The following AGBL1 variants were observed in gnomAD, a reference collection of about 807,000 sequenced individuals.
AGBL1 encodes the protein cytosolic carboxypeptidase 4.
A neutral mutation model predicts 118.9 loss-of-function variants in AGBL1; 130 were observed. The ratio of observed to expected loss-of-function variants is 1.09; its 90% CI spans 0.95 to 1.26. The LOEUF (loss-of-function observed/expected upper bound fraction) is 1.26, where lower values mean the gene tolerates loss of function less well. Among genes scored for constraint, AGBL1 ranks in the 50% most tolerant of loss-of-function variants. The pLI is 0.00. For synonymous variants in AGBL1, 555 were observed against 478.9 expected, an observed-to-expected ratio of 1.16 and a Z score of -2.08; for missense variants, 1,584 against 1,298.1, an observed-to-expected ratio of 1.22 and a Z score of -3.38.
intron 22 of AGBL1, among the ~76,000 whole-genome samples, chr15:86,725,710 G>A (rs1039357049): frequency 2.0e-4 from 31 of 152,186 alleles, no homozygotes; most frequent in African/African-American, 7.2e-4. Context: ...CTACCACTAA[G>A]TCAAAGAGCA....
chr15:86,591,954 T>G lies in AGBL1; in HGVS notation c.2994+37417T>G, dbSNP rs1398384248. ...ACATACAAAACATCACTGTGGAGATTCTAAGGATTTTAGAAGTTATATACC... is the reference window on the plus strand; with the variant it reads ...ACATACAAAACATCACTGTGGAGATGCTAAGGATTTTAGAAGTTATATACC... On this transcript the variant is annotated intron_variant, in intron 21 of 22. Coordinates refer to ENST00000614907, the MANE Select transcript of AGBL1 (RefSeq NM_001386094.1). 5.3e-5 allele frequency among the ~76,000 whole-genome samples: 8 copies of G among 152,248 alleles called. No individual in the cohort carries two copies. The East Asian group carries it at 9.7e-4, about 18-fold the overall frequency.
At chr15:86,190,520 C>T (rs558334218) in intron 5 of AGBL1, among the ~76,000 whole-genome samples, 1 of 152,108 alleles carries the variant, frequency 6.6e-6, no homozygotes, top group East Asian at 1.9e-4. Flanking sequence ...ACAGCCGTGT[C>T]TTGGATTGAC....
chr15:86,843,762 C>G (rs1453174004), intron 22 of AGBL1, among the ~76,000 whole-genome samples: 1 of 152,052 alleles, frequency 6.6e-6, no homozygotes, highest in Non-Finnish European at 1.5e-5. Context: ...TATAAATTTC[C>G]ATCCAAGGTA....
chr15:86,486,655 T>C (rs1001527645), intron 18 of AGBL1, among the ~76,000 whole-genome samples: 1 of 152,256 alleles, frequency 6.6e-6, no homozygotes, highest in East Asian at 1.9e-4. Context: ...ACCTTTATTA[T>C]AGTACAGACT....
At chr15:86,198,753 C>A (rs1326769223) in intron 5 of AGBL1, among the ~76,000 whole-genome samples, 1 of 152,004 alleles carries the variant, frequency 6.6e-6, no homozygotes, top group Non-Finnish European at 1.5e-5. Flanking sequence ...GTGCTGTCTG[C>A]AAGCCAAGAA....
At chr15:86,931,455 C>A (rs1044547108) in intron 23 of AGBL1, among the ~76,000 whole-genome samples, 2 of 152,070 alleles carry the variant, frequency 1.3e-5, no homozygotes, top group African/African-American at 4.8e-5. Context: ...TTTGGCCTTA[C>A]CATGCTGGGC....
chr15:86,132,110 C>T (rs777980533), intron 1 of AGBL1, among the ~76,000 whole-genome samples: 12 of 152,080 alleles, frequency 7.9e-5, no homozygotes, highest in Non-Finnish European at 1.2e-4. Flanking sequence ...ACCCGAGTAG[C>T]GGAGTACCCA....
chr15:86,123,333 A>G lies in AGBL1; in HGVS notation c.52-18671A>G, dbSNP rs372559757. ...CAGCTCACTGCAACCTCTGCCTCCCAGGTTCAAGCAATTCTCCTGCCTCAG... is the reference window on the plus strand; with the variant it reads ...CAGCTCACTGCAACCTCTGCCTCCCGGGTTCAAGCAATTCTCCTGCCTCAG... On this transcript the variant is annotated intron_variant, in intron 1 of 22. Transcript: ENST00000614907. Among the ~76,000 whole-genome samples the G allele has an allele frequency of 3.9e-5, 6 of 152,198 alleles. No individual in the cohort carries two copies. The East Asian group carries it at 9.7e-4, about 25-fold the overall frequency.
intron 18 of AGBL1, among the ~76,000 whole-genome samples, chr15:86,465,938 C>T (rs537306955): frequency 2.0e-5 from 3 of 152,306 alleles, no homozygotes; most frequent in African/African-American, 7.2e-5. Context: ...GTACACCCCT[C>T]CCCTTTTGAA....
intron 22 of AGBL1, among the ~76,000 whole-genome samples, chr15:86,763,274 T>A (rs566499355): frequency 1.3e-5 from 2 of 152,118 alleles, no homozygotes; most frequent in East Asian, 3.9e-4. Flanking sequence ...CTCTCAAATA[T>A]TTTCCAATAG....
intron 22 of AGBL1, among the ~76,000 whole-genome samples, chr15:86,827,684 A>C (rs2079047549): frequency 6.9e-6 from 1 of 145,134 alleles, no homozygotes; most frequent in Non-Finnish European, 1.5e-5. Flanking sequence ...GCTAAGATAC[A>C]CATCAGAGGC....
rs185896474 is a variant in AGBL1, at chr15:86,256,923, C to G, written c.806C>G (p.Pro269Arg). The G allele has an allele frequency of 3.7e-6, 6 of 1,613,834 alleles. No homozygotes were observed. The African/African-American group carries it at 8.0e-5, about 22-fold the overall frequency. Reference protein sequence around the residue: ...VVLQILRQCYPTSPLPLVTAS... With the variant: ...VVLQILRQCYRTSPLPLVTAS... Reference sequence around the variant, plus strand: ...CTTCAGATCCTGAGGCAGTGCTACCCTACGAGTCCACTTCCCTTGGTCACA... The same window carrying G: ...CTTCAGATCCTGAGGCAGTGCTACCGTACGAGTCCACTTCCCTTGGTCACA... Residue 269 changes from proline to arginine, a missense_variant, in exon 8 of 23, where the codon CCT becomes CGT. Coordinates refer to ENST00000614907, the MANE Select transcript of AGBL1 (RefSeq NM_001386094.1).
chr15:86,466,612 T>C (rs893665695), intron 18 of AGBL1, among the ~76,000 whole-genome samples: 1 of 152,256 alleles, frequency 6.6e-6, no homozygotes, highest in African/African-American at 2.4e-5. Flanking sequence ...GTGCTGATTT[T>C]TCCTCATTGT....
chr15:86,350,989 A>G (rs578092245), intron 17 of AGBL1, among the ~76,000 whole-genome samples: 1 of 152,358 alleles, frequency 6.6e-6, no homozygotes, highest in South Asian at 2.1e-4. Context: ...TGTATCAGAG[A>G]CCAGAATCAG....
At chr15:86,625,169 C>T (rs1440431539) in intron 21 of AGBL1, among the ~76,000 whole-genome samples, 1 of 152,106 alleles carries the variant, frequency 6.6e-6, no homozygotes, top group Non-Finnish European at 1.5e-5. Flanking sequence ...AGTGTCGGCT[C>T]TGCCTCCTTC....
intron 17 of AGBL1, among the ~76,000 whole-genome samples, chr15:86,349,248 T>C (rs889429820): frequency 1.3e-5 from 2 of 152,174 alleles, no homozygotes; most frequent in African/African-American, 4.8e-5. Flanking sequence ...TTTAAGCCAC[T>C]TGATTCATGT....
At chr15:86,865,606 G>A (rs1193754212) in intron 22 of AGBL1, among the ~76,000 whole-genome samples, 1 of 152,178 alleles carries the variant, frequency 6.6e-6, no homozygotes, top group East Asian at 1.9e-4. Context: ...CAGTATAACT[G>A]AGAGAAAAAT....
chr15:86,437,784 G>A (rs1005351634), intron 18 of AGBL1, among the ~76,000 whole-genome samples: 10 of 152,144 alleles, frequency 6.6e-5, no homozygotes, highest in East Asian at 3.9e-4. Context: ...CATGAGTGGC[G>A]TGTAGAGTGG....
chr15:86,455,464 G>A (rs1245470614), intron 18 of AGBL1, among the ~76,000 whole-genome samples: 1 of 151,936 alleles, frequency 6.6e-6, no homozygotes, highest in Non-Finnish European at 1.5e-5. Context: ...TTCCCAATTG[G>A]TTGGGTTGTT....
Sources: gnomAD v4.1 joint callset for allele counts (sites outside exome capture counted in the v4.1 genomes callset) on GRCh38, gnomAD v4.1.1 for gene constraint, MANE v1.5 for transcripts, NCBI Gene and HGNC (gene_info 2026-07-23, HGNC 2026-07-21) for gene names.